Variants in PDE4D observed in about 807,000 individuals in gnomAD.
PDE4D encodes 3',5'-cyclic-AMP phosphodiesterase 4D.
A neutral mutation model predicts 87.4 loss-of-function variants in PDE4D; 24 were observed. The observed-to-expected ratio is 0.27, with a 90% CI of 0.20 to 0.39. The LOEUF is 0.39. PDE4D is among the 10% of genes least tolerant of loss of function. The probability of loss-of-function intolerance (pLI) is 1.00; values close to 1 mark genes in which losing one functional copy is unlikely to be tolerated. For synonymous variants in PDE4D, 384 were observed against 383.2 expected (o/e 1.00, Z -0.02); for missense variants, 714 against 1,041.0 (o/e 0.69, Z 4.32).
intron 1 of PDE4D, among the ~76,000 whole-genome samples, chr5:60,196,048 A>T (rs1464082199): frequency 6.6e-6 from 1 of 151,668 alleles, no homozygotes; most frequent in African/African-American, 2.4e-5. Flanking sequence ...AGGCGGTCAC[A>T]CTTACATAGA....
chr5:59,149,728 TTTC>T lies in PDE4D; in HGVS notation c.808+30864_808+30866del, dbSNP rs1290429919. On this transcript the variant is annotated intron_variant, in intron 5 of 14. Transcript: ENST00000340635. ...CGAGTTTTTTTTTTTTTTTTTTTTT[TTTC>T]GGTCAACAGATTTGGTACCAAGAGT... 2.7e-5 allele frequency among the ~76,000 whole-genome samples: 4 copies of T among 149,762 alleles called. No homozygotes were observed. In the Admixed American group the frequency reaches 2.7e-4, roughly 10 times the overall value.
At chr5:59,451,364 T>A (rs1799124686) in intron 1 of PDE4D, among the ~76,000 whole-genome samples, 2 of 152,194 alleles carry the variant, frequency 1.3e-5, no homozygotes, top group Non-Finnish European at 2.9e-5. Context: ...TTGACTCAAA[T>A]AACTTCTATG....
At chr5:59,800,190 T>C (rs2152663931) in intron 1 of PDE4D, among the ~76,000 whole-genome samples, 1 of 152,152 alleles carries the variant, frequency 6.6e-6, no homozygotes, top group South Asian at 2.1e-4. Flanking sequence ...CAGTGCAGTA[T>C]TATATATGAA....
chr5:60,257,222 G>GAGAAAGAAAGAAAGAAAGAAAGAA lies in PDE4D; in HGVS notation c.-89-71559_-89-71536dup, dbSNP rs142753730. Among the ~76,000 whole-genome samples the GAGAAAGAAAGAAAGAAAGAAAGAA allele has an allele frequency of 4.7e-4, 68 of 143,240 alleles. 1 individual carries two copies. Among genetic ancestry groups the GAGAAAGAAAGAAAGAAAGAAAGAA allele is most frequent in the African/African-American group, 1.8e-3 (67 of 37,702 alleles). 94.0% of individuals were successfully genotyped at this position (143,240 alleles called of 152,430 possible). A position where few individuals can be genotyped will look rare whatever the true frequency, so the allele number is the denominator to read the frequency against. On this transcript the variant is annotated intron_variant, in intron 1 of 16. Transcript: ENST00000502484. ...AGAAAGAATGAATGAAAGAAAGAAA[G>GAGAAAGAAAGAAAGAAAGAAAGAA]AGAAAGAAAGAAAGAAAGAAAGAAA...
At chr5:59,322,585 A>G (rs1454403284) in intron 1 of PDE4D, among the ~76,000 whole-genome samples, 10 of 152,132 alleles carry the variant, frequency 6.6e-5, no homozygotes, top group Admixed American at 2.0e-4. Flanking sequence ...ATCCAATGCT[A>G]TCTATATTTA....
chr5:59,861,031 T>G (rs955704309), intron 1 of PDE4D, among the ~76,000 whole-genome samples: 1 of 150,942 alleles, frequency 6.6e-6, no homozygotes, highest in South Asian at 2.1e-4. Context: ...AGATAATTTT[T>G]TTTTTTTTTT....
At position 60,157,751 on chromosome 5, in the gene PDE4D, G is replaced by A. The variant is rs191560966; in HGVS notation, c.42+27806C>T. Reference sequence around the variant, plus strand: ...GATAGTGCAATGATTTCAACTAATGGTGGTACGAACCTACATCACTGCTCC... The same window carrying A: ...GATAGTGCAATGATTTCAACTAATGATGGTACGAACCTACATCACTGCTCC... On this transcript the variant is annotated intron_variant, in intron 2 of 16. Transcript: ENST00000502484. Among the ~76,000 whole-genome samples, 11 of 152,202 alleles carry A rather than the reference G, an allele frequency of 7.2e-5. No homozygotes were observed. The South Asian group carries it at 2.1e-3, about 29-fold the overall frequency.
chr5:59,852,016 T>A (rs576745770), intron 1 of PDE4D, among the ~76,000 whole-genome samples: 130 of 152,208 alleles, frequency 8.5e-4, no homozygotes, highest in East Asian at 2.7e-3. Context: ...CTACATTTTT[T>A]AAATTATTTG....
intron 1 of PDE4D, among the ~76,000 whole-genome samples, chr5:59,460,617 G>A (rs1800622087): frequency 6.6e-6 from 1 of 152,118 alleles, no homozygotes; most frequent in African/African-American, 2.4e-5. Flanking sequence ...ATCTGGAGAG[G>A]CCTCCCTGAA....
chr5:60,175,225 A>G (rs185475096), intron 2 of PDE4D, among the ~76,000 whole-genome samples: 3 of 152,192 alleles, frequency 2.0e-5, no homozygotes, highest in Non-Finnish European at 4.4e-5. Context: ...AAGCCCAAAG[A>G]CATTTTTTAA....
chr5:60,203,785 G>A (rs537130461), intron 1 of PDE4D, among the ~76,000 whole-genome samples: 13 of 152,116 alleles, frequency 8.5e-5, no homozygotes, highest in Non-Finnish European at 1.3e-4. Context: ...ACTGGAGATA[G>A]GATGTAATAT....
At chr5:59,639,305 C>T (rs1421361907) in intron 1 of PDE4D, among the ~76,000 whole-genome samples, 2 of 151,976 alleles carry the variant, frequency 1.3e-5, no homozygotes, top group Non-Finnish European at 2.9e-5. Flanking sequence ...TGACTATGCC[C>T]TAAAGTTAAA....
intron 2 of PDE4D, among the ~76,000 whole-genome samples, chr5:60,075,223 A>C (rs1425689832): frequency 6.6e-6 from 1 of 152,174 alleles, no homozygotes; most frequent in East Asian, 1.9e-4. Context: ...GAATTCCCTC[A>C]GCATTTGTTT....
chr5:59,897,083 T>C (rs1751737755), upstream of PDE4D, among the ~76,000 whole-genome samples: 1 of 152,240 alleles, frequency 6.6e-6, no homozygotes, highest in African/African-American at 2.4e-5. Flanking sequence ...AAGCTATCAC[T>C]ACTTACCATT....
intron 2 of PDE4D, among the ~76,000 whole-genome samples, chr5:60,023,097 G>T (rs181335056): frequency 2.0e-5 from 3 of 152,224 alleles, no homozygotes; most frequent in Admixed American, 2.0e-4. Flanking sequence ...ACACTCACTT[G>T]TTTGTACGAC....
intron 2 of PDE4D, among the ~76,000 whole-genome samples, chr5:60,077,327 C>A (rs904883709): frequency 6.6e-6 from 1 of 152,146 alleles, no homozygotes. Flanking sequence ...GGTGGCAAAG[C>A]AATGTGGGGG....
chr5:59,252,678 C>T (rs1011625691), intron 1 of PDE4D, among the ~76,000 whole-genome samples: 6 of 151,960 alleles, frequency 3.9e-5, no homozygotes, highest in East Asian at 1.9e-4. Flanking sequence ...TGTGCAACCA[C>T]GCCTGGAGAA....
At chr5:59,239,644 G>A (rs908672073) in intron 1 of PDE4D, among the ~76,000 whole-genome samples, 2 of 152,014 alleles carry the variant, frequency 1.3e-5, no homozygotes, top group South Asian at 2.1e-4. Context: ...ATTATAATTC[G>A]TTGCCTCTCT....
chr5:60,178,404 A>G (rs1282322402), intron 2 of PDE4D, among the ~76,000 whole-genome samples: 1 of 152,148 alleles, frequency 6.6e-6, no homozygotes, highest in East Asian at 1.9e-4. Flanking sequence ...TGAGGAATGC[A>G]TGTTCTGAAT....
Sources: gnomAD v4.1 joint callset for allele counts (sites outside exome capture counted in the v4.1 genomes callset) on GRCh38, gnomAD v4.1.1 for gene constraint, MANE v1.5 for transcripts, NCBI Gene and HGNC (gene_info 2026-07-23, HGNC 2026-07-21) for gene names.